Variants in CREB3L3 observed in about 807,000 individuals in gnomAD.
CREB3L3 encodes the protein cAMP responsive element binding protein 3 like 3.
In CREB3L3, 40 loss-of-function variants were observed where a neutral mutation model predicts 44.6. That is an observed-to-expected ratio of 0.90 (90% CI 0.70 to 1.17). The LOEUF is 1.17. CREB3L3 is among the 50% of genes most tolerant of loss of function. The pLI is 0.00. For synonymous variants in CREB3L3, 273 were observed against 256.3 expected, an observed-to-expected ratio of 1.06 and a Z score of -0.62; for missense variants, 578 against 595.8, an observed-to-expected ratio of 0.97 and a Z score of 0.31.
chr19:4,168,155 T>C (rs796700150), intron 5 of CREB3L3, among the ~76,000 whole-genome samples, 196 bp from the exon 6 acceptor site: 14 of 151,578 alleles, frequency 9.2e-5, no homozygotes, highest in East Asian at 3.9e-4. Flanking sequence ...CCCGCCACCA[T>C]GCCTGGCTAA....
In CREB3L3 at chr19:4,168,361, G is replaced by A. The variant is rs772368818; in HGVS notation, c.725G>A (p.Arg242Gln). The change falls in exon 6 of 10, where the codon CGA (arginine) becomes CAA (glutamine). Residue 242 changes from arginine (R) to glutamine (Q), a missense_variant. By Grantham distance (43) the Arg-to-Gln change is conservative. Coordinates refer to ENST00000078445, the MANE Select transcript of CREB3L3 (RefSeq NM_032607.3). ...TQLPLTKYEE[R>Q]VLKKIRRKIR... ...CATTTCACTTGGCAGTACGAGGAGCGAGTGCTGAAAAAAATCCGCCGGAAA... is the reference window on the plus strand; with the variant it reads ...CATTTCACTTGGCAGTACGAGGAGCAAGTGCTGAAAAAAATCCGCCGGAAA... 5 of 1,609,628 alleles carry A rather than the reference G, an allele frequency of 3.1e-6. No homozygotes were observed. Among genetic ancestry groups the A allele is most frequent in the Middle Eastern group, 3.3e-4 (2 of 6,034 alleles).
chr19:4,170,030 TC>T, intron 6 of CREB3L3, 109 bp from the exon 7 acceptor site: 2 of 1,051,736 alleles, frequency 1.9e-6, no homozygotes, highest in Middle Eastern at 2.2e-4. Flanking sequence ...ACTTCCCCTC[TC>T]TGGCCTTGGG....
Position 4,171,809 on chromosome 19 carries a change from C to T in CREB3L3, c.1226C>T (p.Ala409Val), listed in dbSNP as rs148141076. ...GCAGACTGGGGCTTCCAGGACACCG[C>T]GAACCTGACCAATTCGACGGAGGAG... ...PGADWGFQDT[A>V]NLTNSTEELD... The change falls in exon 10 of 10, where the codon GCG becomes GTG. Residue 409 changes from alanine (A) to valine (V), a missense_variant. By Grantham distance (64) the Ala-to-Val change is moderately conservative. Transcript: ENST00000078445. The surrounding 1 kb of genome is among the most constrained non-coding windows in gnomAD (Gnocchi z 4.9). 24 of 1,613,532 alleles carry T rather than the reference C, an allele frequency of 1.5e-5. No individual in the cohort carries two copies. In the East Asian group the frequency reaches 4.0e-4, roughly 27 times the overall value.
chr19:4,155,364 C>CT (rs35228769), intron 2 of CREB3L3, among the ~76,000 whole-genome samples: 17,872 of 142,444 alleles, frequency 0.13, 1,468 homozygotes, highest in East Asian at 0.32. Context: ...CTTTCTTCTT[C>CT]TTTTTTTTTT....
At chr19:4,162,120 C>A (rs2041669020) in intron 4 of CREB3L3, among the ~76,000 whole-genome samples, 1 of 152,160 alleles carries the variant, frequency 6.6e-6, no homozygotes, top group African/African-American at 2.4e-5. Context: ...GATTCTCATA[C>A]CTCAGCCCCC....
At chr19:4,164,250 G>A (rs2041697305) in intron 4 of CREB3L3, among the ~76,000 whole-genome samples, 1 of 152,068 alleles carries the variant, frequency 6.6e-6, no homozygotes. Context: ...TGGGATTACA[G>A]GCATGAGCCA....
intron 4 of CREB3L3, among the ~76,000 whole-genome samples, chr19:4,160,115 G>A (rs2041639402): frequency 1.3e-5 from 2 of 151,856 alleles, no homozygotes; most frequent in South Asian, 4.2e-4. Context: ...GGGCAACATG[G>A]TGAAACCCCA....
intron 4 of CREB3L3, 39 bp from the exon 5 acceptor site, chr19:4,164,464 T>A (rs771823426): frequency 6.2e-6 from 10 of 1,612,870 alleles, no homozygotes; most frequent in Non-Finnish European, 7.6e-6. Context: ...GCAGTTGGCG[T>A]CCCTGCACCC....
rs1216295572 is a variant in CREB3L3 at position 4,168,365 on chromosome 19, G to C, written c.729G>C (p.Val243=). 1.9e-6 allele frequency: 3 copies of C among 1,610,076 alleles called. No homozygotes were observed. Among genetic ancestry groups the C allele is most frequent in the Non-Finnish European group, 2.5e-6 (3 of 1,177,674 alleles). ...QLPLTKYEER[V]LKKIRRKIRN... ...TCACTTGGCAGTACGAGGAGCGAGT[G>C]CTGAAAAAAATCCGCCGGAAAATCC... Residue 243 remains valine (V), a synonymous_variant, in exon 6 of 10, where the codon GTG becomes GTC. Coordinates refer to ENST00000078445, the MANE Select transcript of CREB3L3 (RefSeq NM_032607.3).
chr19:4,166,403 C>T lies in CREB3L3; in HGVS notation c.714+1763C>T, dbSNP rs1241167533. ...CTAAGTAGCTGGGATTACAGGCACGCGCCACCACGCCTGGCTAATTTTTTT... is the reference window on the plus strand; with the variant it reads ...CTAAGTAGCTGGGATTACAGGCACGTGCCACCACGCCTGGCTAATTTTTTT... On this transcript the variant is annotated intron_variant, in intron 5 of 9. Coordinates refer to ENST00000078445, the MANE Select transcript of CREB3L3 (RefSeq NM_032607.3). Among the ~76,000 whole-genome samples the T allele has an allele frequency of 4.0e-5, 6 of 149,426 alleles. No homozygotes were observed. In the South Asian group the frequency reaches 6.4e-4, roughly 16 times the overall value.
At position 4,171,465 on chromosome 19, in the gene CREB3L3, T is replaced by C. The variant is rs761386700; in HGVS notation, c.1058T>C (p.Phe353Ser). 5 of 1,614,042 alleles carry C rather than the reference T, an allele frequency of 3.1e-6. No homozygotes were observed. The South Asian group carries it at 5.5e-5, about 18-fold the overall frequency. The change falls in exon 9 of 10, where the codon TTT becomes TCT. Residue 353 changes from phenylalanine to serine, a missense_variant. By Grantham distance (155) the Phe-to-Ser change is radical. Transcript: ENST00000078445. The surrounding 1 kb of genome is among the most constrained non-coding windows in gnomAD (Gnocchi z 4.9). ...GPNKTESPGD[F>S]APVRVFSRTL... ...AACAAAACCGAGAGCCCTGGGGACT[T>C]TGCGCCTGTACGAGGTAGGGGATCC... is the stretch of plus-strand genomic sequence containing the variant.
chr19:4,160,516 C>T (rs188019719), intron 4 of CREB3L3, among the ~76,000 whole-genome samples: 2 of 149,948 alleles, frequency 1.3e-5, no homozygotes, highest in African/African-American at 4.9e-5. Context: ...GGACTACAGG[C>T]GTGCACCACC....
rs751807955 is a variant in CREB3L3, at chr19:4,164,338, G to T, written c.577-165G>T. The T allele has an allele frequency of 1.4e-5, 11 of 808,010 alleles. No individual in the cohort carries two copies. The African/African-American group carries it at 1.5e-4, about 11-fold the overall frequency. The allele number at this position is 808,010 out of a possible 1,614,324, so 50.1% of individuals were successfully genotyped here. On this transcript the variant is annotated intron_variant, in intron 4 of 9. Transcript: ENST00000078445. ...ACCCAGGCTGGTCTCGATCTCCTGA[G>T]CTCAAGTGATCCACATGCCTCAGCC...
intron 4 of CREB3L3, among the ~76,000 whole-genome samples, chr19:4,163,718 G>C (rs1324584531): frequency 3.3e-5 from 5 of 151,590 alleles, no homozygotes; most frequent in African/African-American, 1.2e-4. Context: ...TCACCATGTT[G>C]GCCAGGCTAG....
At chr19:4,158,799 CAA>C (rs760741012) in intron 3 of CREB3L3, among the ~76,000 whole-genome samples, 5,533 of 64,118 alleles carry the variant, frequency 0.086, 330 homozygotes, top group African/African-American at 0.25. Flanking sequence ...GACTCCGTCT[CAA>C]AAAAAAAAAA....
At position 4,157,169 on chromosome 19, in the gene CREB3L3, G is replaced by A. The variant is rs375580896; in HGVS notation, c.331G>A (p.Ala111Thr). ...ACGCAGCGGACCAGCCACCTCCCCC[G>A]CCGGCTGCCATCCTGCCCAGCCTGG... Reference protein sequence around the residue: ...PPRSGPATSPAGCHPAQPGKG... With the variant: ...PPRSGPATSPTGCHPAQPGKG... Residue 111 changes from alanine to threonine, a missense_variant, in exon 3 of 10, where the codon GCC (alanine) becomes ACC (threonine). Coordinates refer to ENST00000078445, the MANE Select transcript of CREB3L3 (RefSeq NM_032607.3). The A allele has an allele frequency of 6.3e-5, 102 of 1,613,566 alleles. No individual in the cohort carries two copies. The highest frequency in any genetic ancestry group is 1.6e-4 in the Middle Eastern group (1 of 6,084).
chr19:4,161,036 C>G (rs1027365275), intron 4 of CREB3L3, among the ~76,000 whole-genome samples: 3 of 152,010 alleles, frequency 2.0e-5, no homozygotes, highest in African/African-American at 7.2e-5. Context: ...CTCAGCCTCC[C>G]GAGTAGCTGG....
chr19:4,166,276 C>T (rs111620505), intron 5 of CREB3L3, among the ~76,000 whole-genome samples: 7,133 of 150,182 alleles, frequency 0.047, 237 homozygotes, highest in Non-Finnish European at 0.069. Context: ...TTTCCTGAGA[C>T]GGAGTTTCGC....
chr19:4,164,552 A>C lies in CREB3L3; in HGVS notation c.626A>C (p.His209Pro). ...ASYLLRPGAG[H>P]CQELVLTEDE... ...TACCTCCTGCGACCTGGGGCTGGGC[A>C]CTGTCAGGAGCTGGTGCTCACCGAG... is the stretch of plus-strand genomic sequence containing the variant. Residue 209 changes from histidine to proline, a missense_variant, in exon 5 of 10, where the codon CAC becomes CCC. Physicochemically the swap from His to Pro is moderately conservative, Grantham distance 77. Transcript: ENST00000078445. 1 of 1,614,082 alleles carries C rather than the reference A, an allele frequency of 6.2e-7. No homozygotes were observed. Among genetic ancestry groups the C allele is most frequent in the Non-Finnish European group, 8.5e-7 (1 of 1,180,020 alleles).
Sources: allele counts gnomAD v4.1 joint callset (sites outside exome capture counted in the v4.1 genomes callset), GRCh38; gene constraint gnomAD v4.1.1; non-coding constraint Gnocchi (gnomAD v3.1); transcripts MANE v1.5; gene names NCBI Gene and HGNC (gene_info 2026-07-23, HGNC 2026-07-21).